CDH17: variants seen among roughly 807,000 people sequenced by gnomAD.
The protein encoded by CDH17 is cadherin 17.
CDH17 carries 67 observed loss-of-function variants against 86.3 expected under a neutral mutation model. That is an observed-to-expected ratio of 0.78 (90% CI 0.64 to 0.95). CDH17 has a LOEUF of 0.95. Among genes scored for constraint, CDH17 ranks in the 40% least tolerant of loss-of-function variants. The probability of loss-of-function intolerance (pLI) is 0.00; values close to 1 mark genes in which losing one functional copy is unlikely to be tolerated. For missense variants in CDH17, 993 were observed against 1,017.6 expected (o/e 0.98, Z 0.33); for synonymous variants, 367 against 366.4 (o/e 1.00, Z -0.02).
rs565570620 is a variant in CDH17 at position 94,150,464 on chromosome 8, A to G, written c.1796+1404T>C. Among the ~76,000 whole-genome samples the G allele has an allele frequency of 5.9e-5, 9 of 152,342 alleles. 1 individual carries two copies. Among genetic ancestry groups the G allele is most frequent in the Admixed American group, 5.9e-4 (9 of 15,304 alleles). On this transcript the variant is annotated intron_variant, in intron 13 of 17. Transcript: ENST00000027335. The stretch of plus-strand genomic sequence containing the variant: ...ATCCATTGGGTGCTAACAGATTTTA[A>G]GTTTGTGGAGCTGGAGAATTAAATT...
upstream of CDH17, among the ~76,000 whole-genome samples, chr8:94,211,984 C>A (rs1814128397): frequency 1.3e-5 from 2 of 152,186 alleles, no homozygotes; most frequent in African/African-American, 4.8e-5. Context: ...CCCCTGAAAC[C>A]TAGAGTTCAC....
intron 17 of CDH17, among the ~76,000 whole-genome samples, chr8:94,129,418 C>A (rs901036182): frequency 3.3e-5 from 5 of 151,906 alleles, no homozygotes; most frequent in Admixed American, 2.0e-4. Flanking sequence ...CCCTCCCATG[C>A]CATAGGGAGT....
chr8:94,206,730 C>G (rs763452029), intron 1 of CDH17, among the ~76,000 whole-genome samples: 13 of 150,408 alleles, frequency 8.6e-5, no homozygotes, highest in Non-Finnish European at 1.5e-4. Context: ...CAGCCTCAAC[C>G]TCCTGGGCTT....
intron 1 of CDH17, among the ~76,000 whole-genome samples, chr8:94,199,413 A>G (rs1813861787): frequency 6.6e-6 from 1 of 152,010 alleles, no homozygotes; most frequent in African/African-American, 2.4e-5. Context: ...ATTTCTGCTC[A>G]GTAAATAACC....
At chr8:94,157,194 T>C (rs1812963990) in intron 12 of CDH17, among the ~76,000 whole-genome samples, 1 of 152,220 alleles carries the variant, frequency 6.6e-6, no homozygotes, top group Admixed American at 6.5e-5. Context: ...AGATGAACTG[T>C]TAATGATATA....
chr8:94,168,110 A>ATG (rs1266620457), intron 9 of CDH17, among the ~76,000 whole-genome samples: 3 of 13,686 alleles, frequency 2.2e-4, no homozygotes, highest in African/African-American at 7.5e-4. Context: ...ATATATATAT[A>ATG]TATATATATA....
At chr8:94,156,445 GA>G (rs1335833229) in intron 12 of CDH17, among the ~76,000 whole-genome samples, 1 of 152,162 alleles carries the variant, frequency 6.6e-6, no homozygotes, top group Non-Finnish European at 1.5e-5. Context: ...AGTTATTGTT[GA>G]GCCAGGCAGG....
intron 1 of CDH17, among the ~76,000 whole-genome samples, chr8:94,216,196 A>G (rs1250385669): frequency 6.6e-6 from 1 of 152,202 alleles, no homozygotes; most frequent in Non-Finnish European, 1.5e-5. Context: ...TGGTCTCAGG[A>G]ACAATCCAGG....
chr8:94,142,118 G>T (rs1234139304), intron 15 of CDH17, among the ~76,000 whole-genome samples: 1 of 152,100 alleles, frequency 6.6e-6, no homozygotes, highest in Non-Finnish European at 1.5e-5. Context: ...TAAACAAATG[G>T]TGTTAGAACA....
intron 1 of CDH17, among the ~76,000 whole-genome samples, chr8:94,216,002 T>A (rs1449764071): frequency 2.0e-5 from 3 of 152,110 alleles, no homozygotes; most frequent in Non-Finnish European, 2.9e-5. Flanking sequence ...AATGTGGGCA[T>A]AATGGCCCCT....
intron 1 of CDH17, among the ~76,000 whole-genome samples, chr8:94,201,630 G>A (rs900051): frequency 0.55 from 83,429 of 152,048 alleles, 23,784 homozygotes; most frequent in African/African-American, 0.69. Flanking sequence ...AACTGAGATG[G>A]TAAATATCTG....
intron 14 of CDH17, among the ~76,000 whole-genome samples, chr8:94,147,205 T>C (rs1459217327): frequency 6.6e-6 from 1 of 152,198 alleles, no homozygotes; most frequent in African/African-American, 2.4e-5. Context: ...AGCCAGAACC[T>C]GCCTGCTGCT....
At chr8:94,199,075 ATATATATATTTTT>A (rs1435063076) in intron 1 of CDH17, among the ~76,000 whole-genome samples, 9 of 9,926 alleles carry the variant, frequency 9.1e-4, no homozygotes, top group African/African-American at 1.6e-3. Context: ...ATATATATAT[ATATATATATTTTT>A]TTTTTTTTAT....
chr8:94,176,041 A>T (rs1431775063), intron 5 of CDH17, among the ~76,000 whole-genome samples: 1 of 151,954 alleles, frequency 6.6e-6, no homozygotes, highest in South Asian at 2.1e-4. Flanking sequence ...GGCATGCACC[A>T]CCACACCTGG....
intron 12 of CDH17, among the ~76,000 whole-genome samples, chr8:94,158,753 A>C (rs567538148): frequency 2.6e-5 from 4 of 152,330 alleles, no homozygotes; most frequent in African/African-American, 9.6e-5. Flanking sequence ...GCTGAAATGC[A>C]GCAGGGCCCT....
rs1813377040 is a variant in CDH17, at chr8:94,176,536, G to A, written c.424+5C>T. ...CCATAAATATCTCTGGCCCCTGCCT[G>A]TTACCTGGGCGAGAGTTCTGCCTTA... On this transcript the variant is annotated splice_donor_5th_base_variant and intron_variant, in intron 5 of 17. Transcript: ENST00000027335. 1.9e-6 allele frequency: 3 copies of A among 1,613,534 alleles called. No individual in the cohort carries two copies. The highest frequency in any genetic ancestry group is 1.3e-5 in the African/African-American group (1 of 75,006).
At chr8:94,130,259 T>G (rs1355985507) in intron 17 of CDH17, among the ~76,000 whole-genome samples, 1 of 151,936 alleles carries the variant, frequency 6.6e-6, no homozygotes, top group African/African-American at 2.4e-5. Context: ...GACCATAAAC[T>G]CTGGTGTAGG....
intron 11 of CDH17, 42 bp from the exon 12 acceptor site, chr8:94,160,204 G>A: frequency 6.7e-7 from 1 of 1,486,666 alleles, no homozygotes; most frequent in East Asian, 2.3e-5. Context: ...AAGGTCTGCT[G>A]TCATCAAAGC....
chr8:94,135,145 G>T (rs1298883336), intron 15 of CDH17, among the ~76,000 whole-genome samples: 1 of 152,154 alleles, frequency 6.6e-6, no homozygotes, highest in East Asian at 1.9e-4. Context: ...GTTGATTTGG[G>T]GTGGAGAGTT....
Sources: gnomAD v4.1 joint callset for allele counts (sites outside exome capture counted in the v4.1 genomes callset) on GRCh38, gnomAD v4.1.1 for gene constraint, MANE v1.5 for transcripts, NCBI Gene and HGNC (gene_info 2026-07-23, HGNC 2026-07-21) for gene names.